Variants in ANKRD11 observed in about 807,000 individuals in gnomAD.
The protein encoded by ANKRD11 is ankyrin repeat domain-containing protein 11.
Under a neutral mutation model 195.7 loss-of-function variants are expected in ANKRD11, and 17 were observed. The observed-to-expected ratio is 0.09, with a 90% CI of 0.06 to 0.13. The LOEUF (loss-of-function observed/expected upper bound fraction) is 0.13, where lower values mean the gene tolerates loss of function less well. Ranked by LOEUF, ANKRD11 falls within the 10% of genes least tolerant of loss-of-function variation. The probability of loss-of-function intolerance (pLI) is 1.00; values close to 1 mark genes in which losing one functional copy is unlikely to be tolerated. For synonymous variants in ANKRD11, 1,953 were observed against 1,528.1 expected, an observed-to-expected ratio of 1.28 and a Z score of -6.49; for missense variants, 3,735 against 3,566.1, an observed-to-expected ratio of 1.05 and a Z score of -1.21.
intron 3 of ANKRD11, chr16:89,313,170 C>T (rs1433777726): frequency 3.6e-6 from 3 of 836,032 alleles, no homozygotes; most frequent in African/African-American, 1.8e-5. Flanking sequence ...TTGAGAACCA[C>T]CAAGTGAAGC....
At chr16:89,418,992 G>T (rs2042408777) in intron 1 of ANKRD11, among the ~76,000 whole-genome samples, 1 of 151,956 alleles carries the variant, frequency 6.6e-6, no homozygotes, top group Non-Finnish European at 1.5e-5. Flanking sequence ...AAAGTGTTAG[G>T]ATTACAGGCG....
At chr16:89,271,376 T>G in intron 11 of ANKRD11, 1 of 251,402 alleles carries the variant, frequency 4.0e-6, no homozygotes, top group South Asian at 4.4e-5. Flanking sequence ...GTAGCTGGGA[T>G]TACAGGCAGC....
Position 89,383,183 on chromosome 16 carries a change from G to A in ANKRD11, c.-60+35101C>T, listed in dbSNP as rs146414035. ...GCCTGTGCTGCTGAGTAAAGGGAGC[G>A]GTGCGAGGTCACCTCAGGGAGGAAG... On this transcript the variant is annotated intron_variant, in intron 2 of 12. Coordinates refer to ENST00000301030, the MANE Select transcript of ANKRD11 (RefSeq NM_013275.6). Among the ~76,000 whole-genome samples the A allele has an allele frequency of 5.3e-5, 8 of 152,304 alleles. No homozygotes were observed. The East Asian group carries it at 9.6e-4, about 18-fold the overall frequency.
At chr16:89,407,715 T>G (rs2041963752) in intron 2 of ANKRD11, among the ~76,000 whole-genome samples, 1 of 151,946 alleles carries the variant, frequency 6.6e-6, no homozygotes, top group African/African-American at 2.4e-5. Flanking sequence ...CCAGGCATTG[T>G]GGTGTGCCCC....
chr16:89,338,065 C>T (rs1416345699), intron 2 of ANKRD11, among the ~76,000 whole-genome samples: 1 of 152,210 alleles, frequency 6.6e-6, no homozygotes, highest in East Asian at 1.9e-4. Context: ...CACTGTGTCG[C>T]GCTCTGCCAC....
intron 2 of ANKRD11, among the ~76,000 whole-genome samples, 161 bp from the exon 3 acceptor site, chr16:89,317,239 C>A (rs557822211): frequency 6.6e-6 from 1 of 152,204 alleles, no homozygotes; most frequent in Non-Finnish European, 1.5e-5. Flanking sequence ...TCTCAGGATA[C>A]GCCTCCCATA....
chr16:89,288,000 G>GGCT (rs935385120), intron 7 of ANKRD11: 72 of 490,526 alleles, frequency 1.5e-4, no homozygotes, highest in African/African-American at 1.3e-3. Flanking sequence ...GGCAGGACGG[G>GGCT]GCTGTCAGGC....
intron 4 of ANKRD11, among the ~76,000 whole-genome samples, chr16:89,298,543 C>A (rs1006748360): frequency 1.3e-5 from 2 of 152,326 alleles, no homozygotes; most frequent in African/African-American, 4.8e-5. Context: ...CCCCTGCCCG[C>A]CCCCCTCACT....
chr16:89,451,690 T>C (rs1476556559), intron 1 of ANKRD11, among the ~76,000 whole-genome samples: 4 of 152,056 alleles, frequency 2.6e-5, no homozygotes, highest in Non-Finnish European at 5.9e-5. Context: ...GTGCTGGGAT[T>C]ACAGGCTAGA....
intron 1 of ANKRD11, among the ~76,000 whole-genome samples, chr16:89,465,654 G>A (rs1271484534): frequency 1.3e-5 from 2 of 152,182 alleles, no homozygotes; most frequent in Admixed American, 1.3e-4. Context: ...TGCACGTCAC[G>A]TGGACGAGCT....
At chr16:89,448,814 G>T (rs188349496) in intron 1 of ANKRD11, among the ~76,000 whole-genome samples, 9 of 152,244 alleles carry the variant, frequency 5.9e-5, no homozygotes, top group African/African-American at 2.2e-4. Context: ...CCACCGGAGC[G>T]CACGTGAGTC....
intron 2 of ANKRD11, among the ~76,000 whole-genome samples, chr16:89,369,551 T>A (rs1458212537): frequency 6.6e-6 from 1 of 152,146 alleles, no homozygotes; most frequent in Non-Finnish European, 1.5e-5. Context: ...AATAGGCAGA[T>A]AAATCCACAG....
intron 1 of ANKRD11, among the ~76,000 whole-genome samples, chr16:89,486,435 G>A (rs2057617064): frequency 1.4e-5 from 2 of 147,538 alleles, no homozygotes; most frequent in Admixed American, 1.3e-4. Context: ...GCAACACACC[G>A]AGACCCTGCC....
intron 4 of ANKRD11, 55 bp downstream of exon 4, chr16:89,305,151 G>A: frequency 1.3e-6 from 2 of 1,596,294 alleles, no homozygotes; most frequent in Non-Finnish European, 1.7e-6. Flanking sequence ...CCCTGCCTGG[G>A]CTGCTCCGGG....
intron 1 of ANKRD11, 155 bp from the exon 2 acceptor site, chr16:89,418,523 C>A: frequency 3.9e-6 from 1 of 254,438 alleles, no homozygotes; most frequent in South Asian, 4.0e-5. Context: ...TGTGCCAAGG[C>A]CAAAACTTAA....
chr16:89,406,916 C>T (rs897628217), intron 2 of ANKRD11, among the ~76,000 whole-genome samples: 6 of 152,186 alleles, frequency 3.9e-5, no homozygotes, highest in African/African-American at 1.4e-4. Context: ...TGGTGGCTCA[C>T]GCCCATAATC....
At chr16:89,392,992 AC>A (rs1417574448) in intron 2 of ANKRD11, among the ~76,000 whole-genome samples, 1 of 151,374 alleles carries the variant, frequency 6.6e-6, no homozygotes, top group East Asian at 1.9e-4. Context: ...CCTTTTCTAA[AC>A]TCCAGCCTAT....
chr16:89,351,009 C>G (rs1232746398), intron 2 of ANKRD11, among the ~76,000 whole-genome samples: 2 of 152,186 alleles, frequency 1.3e-5, no homozygotes, highest in African/African-American at 4.8e-5. Context: ...CTGTGATGCT[C>G]AGAGGACAAG....
chr16:89,376,021 A>G (rs1188477004), intron 2 of ANKRD11, among the ~76,000 whole-genome samples: 3 of 152,202 alleles, frequency 2.0e-5, no homozygotes, highest in Non-Finnish European at 4.4e-5. Context: ...GGCCATCACA[A>G]AAAAAGAACA....
Sources: gnomAD v4.1 joint callset for allele counts (sites outside exome capture counted in the v4.1 genomes callset) on GRCh38, gnomAD v4.1.1 for gene constraint, MANE v1.5 for transcripts, NCBI Gene and HGNC (gene_info 2026-07-23, HGNC 2026-07-21) for gene names.